MYO19: variants seen among roughly 807,000 people sequenced by gnomAD.
The protein encoded by MYO19 is unconventional myosin-XIX.
MYO19 carries 132 observed loss-of-function variants against 129.2 expected under a neutral mutation model. The observed-to-expected ratio is 1.02, with a 90% confidence interval of 0.89 to 1.18. The LOEUF (loss-of-function observed/expected upper bound fraction) is 1.18. Ranked by LOEUF, MYO19 falls within the 50% of genes most tolerant of loss-of-function variation. The pLI is 0.00. For synonymous variants in MYO19, 531 were observed against 477.2 expected, an observed-to-expected ratio of 1.11 and a Z score of -1.47; for missense variants, 1,210 against 1,216.7, an observed-to-expected ratio of 0.99 and a Z score of 0.08.
chr17:36,520,926 T>C (rs943932821), intron 6 of MYO19, among the ~76,000 whole-genome samples: 10 of 152,248 alleles, frequency 6.6e-5, no homozygotes, highest in African/African-American at 2.2e-4. Flanking sequence ...TTTGATATTG[T>C]ACTACAGTTC....
chr17:36,537,991 G>T, upstream of MYO19: 1 of 1,614,016 alleles, frequency 6.2e-7, no homozygotes, highest in South Asian at 1.1e-5. Flanking sequence ...ACACGGGTTG[G>T]TCTATTAAAT....
chr17:36,532,698 A>T lies in MYO19; in HGVS notation c.-143-17T>A. The T allele has an allele frequency of 1.2e-6, 1 of 847,096 alleles. No individual in the cohort carries two copies. Among genetic ancestry groups the T allele is most frequent in the Non-Finnish European group, 1.9e-6 (1 of 524,896 alleles). 52.5% of individuals were successfully genotyped at this position (847,096 alleles called of 1,614,324 possible). A position where few individuals can be genotyped will look rare whatever the true frequency, so the allele number is the denominator to read the frequency against. On this transcript the variant is annotated splice_polypyrimidine_tract_variant and intron_variant, in intron 2 of 25. Transcript: ENST00000614623. ...CTCCAGCGCCTGTGGCATGAGAGAGAAGACAAGGACCACACACAGGTGAGG... is the reference window on the plus strand; with the variant it reads ...CTCCAGCGCCTGTGGCATGAGAGAGTAGACAAGGACCACACACAGGTGAGG...
rs1018965039 is a variant in MYO19 at position 36,514,568 on chromosome 17, G to C, written c.618-20C>G. On this transcript the variant is annotated intron_variant, in intron 8 of 25. Transcript: ENST00000614623. ...TGAGCCCTGGGACACACACAGGCCA[G>C]AGCCCGTTAGTTGCCCATTCATTCC... 17 of 1,513,146 alleles carry C rather than the reference G, an allele frequency of 1.1e-5. No individual in the cohort carries two copies. The Admixed American group carries it at 1.9e-4, about 17-fold the overall frequency. 93.7% of individuals were successfully genotyped at this position (1,513,146 alleles called of 1,614,324 possible).
At chr17:36,522,712 T>C (rs958326234) in intron 6 of MYO19, among the ~76,000 whole-genome samples, 9 of 150,614 alleles carry the variant, frequency 6.0e-5, no homozygotes, top group African/African-American at 2.2e-4. Context: ...CTACTAAAAA[T>C]ATAAAACTTA....
chr17:36,542,839 C>T (rs144753473), intron 1 of MYO19, among the ~76,000 whole-genome samples: 3,960 of 151,982 alleles, frequency 0.026, 64 homozygotes, highest in South Asian at 0.065. Flanking sequence ...CCTCAGCCTC[C>T]GGAGTAGCTG....
rs575906507 is a variant in MYO19, at chr17:36,522,446, G to C, written c.414+2782C>G. ...AACTGCTTGAACCCAGGAGGCGGAG[G>C]TTGCAGTGAGCCGAGATCACACCAC... On this transcript the variant is annotated intron_variant, in intron 6 of 25. Transcript: ENST00000614623. 4.6e-4 allele frequency among the ~76,000 whole-genome samples: 69 copies of C among 151,568 alleles called. No individual in the cohort carries two copies. The East Asian group carries it at 0.013, about 28-fold the overall frequency.
intron 15 of MYO19, 133 bp downstream of exon 15, chr17:36,507,670 A>G: frequency 1.6e-6 from 2 of 1,259,520 alleles, no homozygotes; most frequent in Non-Finnish European, 2.2e-6. Flanking sequence ...ATGTGCAATT[A>G]TTATTTGTCA....
chr17:36,537,196 G>A, upstream of MYO19: 1 of 1,614,156 alleles, frequency 6.2e-7, no homozygotes, highest in Non-Finnish European at 8.5e-7. Context: ...CCTGCATTCT[G>A]TATCCTGTGC....
At chr17:36,511,205 G>C in intron 12 of MYO19, 160 bp downstream of exon 12, 1 of 751,826 alleles carries the variant, frequency 1.3e-6, no homozygotes, top group Non-Finnish European at 2.2e-6. Context: ...TGCCTCACCA[G>C]ACAGGGTGAG....
At position 36,498,483 on chromosome 17, in the gene MYO19, A is replaced by C; in HGVS notation, c.2540T>G (p.Leu847Arg). The C allele has an allele frequency of 6.2e-7, 1 of 1,614,006 alleles. No homozygotes were observed. Among genetic ancestry groups the C allele is most frequent in the Non-Finnish European group, 8.5e-7 (1 of 1,179,836 alleles). ...CCTGGTCTGCAGCGGCGAGGTGCTCAGGGAACAGGGAGCTTGAGAGAAGTG... is the reference window on the plus strand; with the variant it reads ...CCTGGTCTGCAGCGGCGAGGTGCTCCGGGAACAGGGAGCTTGAGAGAAGTG... ...EKHFSQAPCS[L>R]STSPLQTRLL... Residue 847 changes from leucine to arginine, a missense_variant, in exon 25 of 26, where the codon CTG becomes CGG. Physicochemically the swap from Leu to Arg is moderately radical, Grantham distance 102. Coordinates refer to ENST00000614623, the MANE Select transcript of MYO19 (RefSeq NM_001163735.2).
chr17:36,530,450 GCT>G lies in MYO19; in HGVS notation c.12+2075_12+2076del, dbSNP rs1491168247. Reference sequence around the variant, plus strand: ...GTTAGCTATTCTTCTTCTAAAAGTGGCTTTTTTTTTTTTTTTTTTTTTTTGAG... The same window carrying G: ...GTTAGCTATTCTTCTTCTAAAAGTGGTTTTTTTTTTTTTTTTTTTTTTGAG... On this transcript the variant is annotated intron_variant, in intron 3 of 25. Transcript: ENST00000614623. Among the ~76,000 whole-genome samples, 16 of 141,666 alleles carry G rather than the reference GCT, an allele frequency of 1.1e-4. No individual in the cohort carries two copies. In the South Asian group the frequency reaches 1.5e-3, roughly 14 times the overall value. The allele number at this position is 141,666 out of a possible 152,430, so 92.9% of individuals were successfully genotyped here. A position where few individuals can be genotyped will look rare whatever the true frequency, so the allele number is the denominator to read the frequency against.
intron 6 of MYO19, among the ~76,000 whole-genome samples, chr17:36,516,560 C>T (rs528861900): frequency 1.3e-5 from 2 of 152,102 alleles, no homozygotes; most frequent in African/African-American, 2.4e-5. Context: ...TTAGTAAAGA[C>T]GGGGTTTCAC....
chr17:36,531,142 C>T (rs913217704), intron 3 of MYO19, among the ~76,000 whole-genome samples: 2 of 151,800 alleles, frequency 1.3e-5, no homozygotes, highest in Non-Finnish European at 2.9e-5. Flanking sequence ...CGCCTGTAGT[C>T]CCAGCACTTT....
At chr17:36,507,999 T>C in intron 14 of MYO19, 75 bp from the exon 15 acceptor site, 1 of 1,477,478 alleles carries the variant, frequency 6.8e-7, no homozygotes, top group Non-Finnish European at 9.0e-7. Flanking sequence ...GAACCCAGGG[T>C]GGCTGGGCCC....
chr17:36,529,749 G>A (rs1028331380), intron 3 of MYO19, among the ~76,000 whole-genome samples: 2 of 152,116 alleles, frequency 1.3e-5, no homozygotes, highest in African/African-American at 2.4e-5. Context: ...CACAAACACA[G>A]ACACAATTTA....
intron 11 of MYO19, among the ~76,000 whole-genome samples, chr17:36,512,192 A>ACAC (rs2072382596): frequency 1.0e-5 from 1 of 98,318 alleles, no homozygotes; most frequent in Admixed American, 9.9e-5. Context: ...CTCTACTAAA[A>ACAC]ATAAACACAC....
intron 20 of MYO19, 34 bp downstream of exon 20, chr17:36,503,916 G>A (rs1238148214): frequency 1.2e-5 from 18 of 1,542,108 alleles, no homozygotes; most frequent in Non-Finnish European, 1.5e-5. Context: ...ACTCTGTACT[G>A]GCCCTGCACT....
At chr17:36,540,004 A>C (rs1599481211) in intron 2 of MYO19, among the ~76,000 whole-genome samples, 2 of 151,912 alleles carry the variant, frequency 1.3e-5, no homozygotes, top group African/African-American at 2.4e-5. Flanking sequence ...TGACTCCCTC[A>C]GCAAAAGTCC....
At chr17:36,540,746 C>A (rs1236249711) in intron 2 of MYO19, among the ~76,000 whole-genome samples, 2 of 152,150 alleles carry the variant, frequency 1.3e-5, no homozygotes, top group East Asian at 3.9e-4. Flanking sequence ...ATCCACAGAT[C>A]CTCAGGTTTA....
Sources: gnomAD v4.1 joint callset for allele counts (sites outside exome capture counted in the v4.1 genomes callset) on GRCh38, gnomAD v4.1.1 for gene constraint, MANE v1.5 for transcripts, NCBI Gene and HGNC (gene_info 2026-07-23, HGNC 2026-07-21) for gene names.